CARD14: variants seen among roughly 807,000 people sequenced by gnomAD.
CARD14 encodes caspase recruitment domain family member 14.
Under a neutral mutation model 111.5 loss-of-function variants are expected in CARD14, and 107 were observed. That is an observed-to-expected ratio of 0.96 (90% CI 0.82 to 1.13). CARD14 has a LOEUF of 1.13. Among genes scored for constraint, CARD14 ranks in the 50% most tolerant of loss-of-function variants. The pLI is 0.00. For synonymous variants in CARD14, 617 were observed against 579.6 expected (o/e 1.06, Z -0.93); for missense variants, 1,322 against 1,362.3 (o/e 0.97, Z 0.47).
Position 80,203,807 on chromosome 17 carries a change from T to A in CARD14, c.2220-15T>A. On this transcript the variant is annotated splice_polypyrimidine_tract_variant and intron_variant, in intron 18 of 23. Transcript: ENST00000648509. The surrounding 1 kb of genome is among the most constrained non-coding windows in gnomAD (Gnocchi z 4.6). ...CAGGAGGCAGCTGGGTCAGGGCCTC[T>A]GCTGGTCTCTGCAGGGCTCAGCAGC... The A allele has an allele frequency of 6.4e-7, 1 of 1,561,010 alleles. No individual in the cohort carries two copies.
At position 80,195,336 on chromosome 17, in the gene CARD14, A is replaced by G; in HGVS notation, c.1499+3A>G. ...GGGGAAGAACCCTGGTCTTTCAGGT[A>G]GAGCACTGGGGTCCTTCCTGGCACT... On this transcript the variant is annotated splice_donor_region_variant and intron_variant, in intron 13 of 23. Transcript: ENST00000648509. The surrounding 1 kb of genome is among the most constrained non-coding windows in gnomAD (Gnocchi z 4.7). 6.2e-7 allele frequency: 1 copy of G among 1,609,096 alleles called. No individual in the cohort carries two copies. Among genetic ancestry groups the G allele is most frequent in the Non-Finnish European group, 8.5e-7 (1 of 1,176,986 alleles).
chr17:80,183,775 C>G (rs796587997), intron 6 of CARD14, 138 bp from the exon 7 acceptor site: 1 of 465,206 alleles, frequency 2.1e-6, no homozygotes, highest in Non-Finnish European at 3.5e-6. Flanking sequence ...CACATGCTCA[C>G]CCGCCCACAT....
chr17:80,189,617 GC>G lies in CARD14; in HGVS notation c.844-133del. On this transcript the variant is annotated intron_variant, in intron 8 of 23. Transcript: ENST00000648509. This position sits in a 1 kb window ranked among gnomAD's most constrained non-coding sequence, Gnocchi z 4.7. The stretch of plus-strand genomic sequence containing the variant: ...GTGGCTTTTCCGTGGCTTCTCTCCT[GC>G]CCGGTGTAGAGTGGCAAGACTGCAT... The G allele has an allele frequency of 8.8e-7, 1 of 1,142,778 alleles. No individual in the cohort carries two copies. The highest frequency in any genetic ancestry group is 1.2e-6 in the Non-Finnish European group (1 of 853,642). The allele number at this position is 1,142,778 out of a possible 1,614,324, so 70.8% of individuals were successfully genotyped here.
At chr17:80,199,561 CAA>C (rs34737700) in intron 16 of CARD14, among the ~76,000 whole-genome samples, 2 of 68,786 alleles carry the variant, frequency 2.9e-5, no homozygotes, top group South Asian at 6.0e-4. Flanking sequence ...AGCCTTGTCT[CAA>C]AAAAAAAAAA....
intron 11 of CARD14, 132 bp from the exon 12 acceptor site, chr17:80,192,371 T>C: frequency 3.1e-6 from 2 of 650,116 alleles, no homozygotes; most frequent in Admixed American, 2.5e-5. Flanking sequence ...ACACAATTGT[T>C]TTCCCTGGAA....
rs2144639860 is a variant in CARD14 at position 80,208,263 on chromosome 17, T to C, written c.2933T>C (p.Leu978Pro). The change falls in exon 24 of 24, where the codon CTG becomes CCG. Residue 978 changes from leucine to proline, a missense_variant. Transcript: ENST00000648509. ...CTGGCTCCTGACGGCTGGAGCGACC[T>C]GGACGGCCTGCTCAGCTGTGTCCGC... ...SSLAPDGWSD[L>P]DGLLSCVRQA... The C allele has an allele frequency of 6.3e-7, 1 of 1,592,140 alleles. No individual in the cohort carries two copies. Among genetic ancestry groups the C allele is most frequent in the East Asian group, 2.3e-5 (1 of 44,142 alleles).
chr17:80,206,161 C>A lies in CARD14; in HGVS notation c.2691+509C>A, dbSNP rs114257097. ...CTCTTAATACTGCATAGCACACAGC[C>A]TCATTTAGAAAGTGGCAAACTCAGC... On this transcript the variant is annotated intron_variant, in intron 22 of 23. Transcript: ENST00000648509. Among the ~76,000 whole-genome samples, 649 of 152,340 alleles carry A rather than the reference C, an allele frequency of 4.3e-3. 4 individuals are homozygous for A. The highest frequency in any genetic ancestry group is 0.014 in the African/African-American group (599 of 41,574).
chr17:80,189,094 G>A lies in CARD14; in HGVS notation c.843+550G>A, dbSNP rs906399160. 2.6e-5 allele frequency among the ~76,000 whole-genome samples: 4 copies of A among 152,148 alleles called. No individual in the cohort carries two copies. Among genetic ancestry groups the A allele is most frequent in the Non-Finnish European group, 2.9e-5 (2 of 68,022 alleles). Reference sequence around the variant, plus strand: ...CCGCTGGAGGTGCATCACAATGCCCGACTTGGTGGGTTTACTGCAGCGACT... The same window carrying A: ...CCGCTGGAGGTGCATCACAATGCCCAACTTGGTGGGTTTACTGCAGCGACT... On this transcript the variant is annotated intron_variant, in intron 8 of 23. Transcript: ENST00000648509. The surrounding 1 kb of genome is among the most constrained non-coding windows in gnomAD (Gnocchi z 4.7).
At position 80,208,273 on chromosome 17, in the gene CARD14, G is replaced by A. The variant is rs1177595649; in HGVS notation, c.2943G>A (p.Leu981=). 6.3e-6 allele frequency: 10 copies of A among 1,596,556 alleles called. No individual in the cohort carries two copies. Among genetic ancestry groups the A allele is most frequent in the South Asian group, 1.1e-5 (1 of 88,012 alleles). Residue 981 remains leucine, a synonymous_variant, in exon 24 of 24, where the codon CTG becomes CTA. Coordinates refer to ENST00000648509, the MANE Select transcript of CARD14 (RefSeq NM_001366385.1). ...APDGWSDLDG[L]LSCVRQAIAD... is the part of the protein sequence containing the mutation. ...ACGGCTGGAGCGACCTGGACGGCCT[G>A]CTCAGCTGTGTCCGCCAGGCCATCG... is the stretch of plus-strand genomic sequence containing the variant.
chr17:80,194,675 G>T (rs148813161), intron 12 of CARD14, among the ~76,000 whole-genome samples: 2 of 152,156 alleles, frequency 1.3e-5, no homozygotes, highest in African/African-American at 4.8e-5. Context: ...GCACCTCTTC[G>T]CAGAGCGGCA....
Position 80,202,208 on chromosome 17 carries a change from G to A in CARD14, c.2007G>A (p.Glu669=). ...DGYKRLLQDL[E]AKVATSGDSF... is the part of the protein sequence containing the mutation. ...ATAAGAGGCTACTCCAGGACCTGGA[G>A]GCCAAAGTGGCGACCTCGGGGGACT... Residue 669 remains glutamate (E), a synonymous_variant, in exon 18 of 24, where the codon GAG becomes GAA. Coordinates refer to ENST00000648509, the MANE Select transcript of CARD14 (RefSeq NM_001366385.1). 1 of 1,613,966 alleles carries A rather than the reference G, an allele frequency of 6.2e-7. No individual in the cohort carries two copies. Among genetic ancestry groups the A allele is most frequent in the East Asian group, 2.2e-5 (1 of 44,878 alleles).
intron 16 of CARD14, among the ~76,000 whole-genome samples, chr17:80,200,062 G>A (rs939063080): frequency 5.3e-5 from 8 of 151,736 alleles, no homozygotes; most frequent in East Asian, 1.9e-4. Context: ...GAGAGGATGC[G>A]TCTGAACCCC....
chr17:80,199,109 C>T (rs890132184), intron 16 of CARD14, among the ~76,000 whole-genome samples: 1 of 152,098 alleles, frequency 6.6e-6, no homozygotes, highest in Non-Finnish European at 1.5e-5. Context: ...CATGCGCTAC[C>T]GTGCCCGGCT....
chr17:80,175,184 C>T (rs1479916937), intron 2 of CARD14, among the ~76,000 whole-genome samples: 1 of 151,914 alleles, frequency 6.6e-6, no homozygotes, highest in Non-Finnish European at 1.5e-5. Flanking sequence ...CGCCATGTCA[C>T]CCAGGCTGGT....
At chr17:80,199,361 G>A (rs959265124) in intron 16 of CARD14, among the ~76,000 whole-genome samples, 34 of 151,580 alleles carry the variant, frequency 2.2e-4, no homozygotes, top group Middle Eastern at 3.4e-3. Flanking sequence ...GGTGGTGGGC[G>A]CCTGCATGGT....
chr17:80,189,929 G>A lies in CARD14; in HGVS notation c.963+57G>A, dbSNP rs1050989393. Reference sequence around the variant, plus strand: ...CTCCTGGGGCTTGTCTCAGGGGTGCGGACAGGTCTGTGGGGAAGCCAGATT... The same window carrying A: ...CTCCTGGGGCTTGTCTCAGGGGTGCAGACAGGTCTGTGGGGAAGCCAGATT... On this transcript the variant is annotated intron_variant, in intron 9 of 23. Coordinates refer to ENST00000648509, the MANE Select transcript of CARD14 (RefSeq NM_001366385.1). The surrounding 1 kb of genome is among the most constrained non-coding windows in gnomAD (Gnocchi z 4.7). 93 of 1,549,642 alleles carry A rather than the reference G, an allele frequency of 6.0e-5. No individual in the cohort carries two copies. Among genetic ancestry groups the A allele is most frequent in the Admixed American group, 2.9e-4 (13 of 44,688 alleles).
At position 80,198,816 on chromosome 17, in the gene CARD14, C is replaced by CTT. The variant is rs2040823537; in HGVS notation, c.1851+226_1851+227dup. 1 of 1,478,478 alleles carries CTT rather than the reference C, an allele frequency of 6.8e-7. No individual in the cohort carries two copies. Among genetic ancestry groups the CTT allele is most frequent in the Admixed American group, 2.3e-5 (1 of 42,764 alleles). The allele number at this position is 1,478,478 out of a possible 1,614,324, so 91.6% of individuals were successfully genotyped here. On this transcript the variant is annotated intron_variant, in intron 16 of 23. Transcript: ENST00000648509. This position sits in a 1 kb window ranked among gnomAD's most constrained non-coding sequence, Gnocchi z 7.5. ...CCCGTGGTGCTGCTGCCATGCGGCG[C>CTT]TTCTGACCAGGGGTCTTTGCATGAG...
At chr17:80,181,347 A>G in intron 4 of CARD14, 72 bp from the exon 5 acceptor site, 1 of 1,168,822 alleles carries the variant, frequency 8.6e-7, no homozygotes, top group Non-Finnish European at 1.2e-6. Context: ...GTTGATTTTA[A>G]AACGGTGTCA....
intron 20 of CARD14, 56 bp from the exon 21 acceptor site, chr17:80,204,979 A>G (rs1226162702): frequency 7.0e-7 from 1 of 1,437,272 alleles, no homozygotes; most frequent in Admixed American, 2.3e-5. Flanking sequence ...GGGGCAGGGT[A>G]GGCTGGCTGG....
Sources: gnomAD v4.1 joint callset for allele counts (sites outside exome capture counted in the v4.1 genomes callset) on GRCh38, gnomAD v4.1.1 for gene constraint, Gnocchi (gnomAD v3.1) non-coding constraint, MANE v1.5 for transcripts, NCBI Gene and HGNC (gene_info 2026-07-23, HGNC 2026-07-21) for gene names.